ABCB9: variants seen among roughly 807,000 people sequenced by gnomAD.
ABCB9 encodes the protein ABC-type oligopeptide transporter ABCB9.
ABCB9 carries 36 observed loss-of-function variants against 62.0 expected under a neutral mutation model. That is an observed-to-expected ratio of 0.58 (90% CI 0.45 to 0.77). The LOEUF (loss-of-function observed/expected upper bound fraction) is 0.77, where lower values mean the gene tolerates loss of function less well. Ranked by LOEUF, ABCB9 falls within the 30% of genes least tolerant of loss-of-function variation. ABCB9 has a pLI of 0.00. For missense variants in ABCB9, 943 were observed against 1,054.7 expected (o/e 0.89, Z 1.47); for synonymous variants, 435 against 461.4 (o/e 0.94, Z 0.73).
upstream of ABCB9, among the ~76,000 whole-genome samples, chr12:122,970,945 T>C (rs1456815754): frequency 1.3e-5 from 2 of 152,156 alleles, no homozygotes; most frequent in Admixed American, 6.5e-5. Flanking sequence ...TCCTACCATA[T>C]GACATTCTGG....
upstream of ABCB9, among the ~76,000 whole-genome samples, chr12:122,968,061 C>T (rs950240462): frequency 2.0e-5 from 3 of 150,418 alleles, no homozygotes; most frequent in Admixed American, 2.0e-4. Context: ...CAACAGAATA[C>T]TCTGTAGCCA....
chr12:122,921,029 G>T (rs1229424706), exon 12 of ABCB9: 2 of 1,535,218 alleles, frequency 1.3e-6, no homozygotes, highest in Non-Finnish European at 1.7e-6. Flanking sequence ...ATATCTGCAG[G>T]CTGGTCATTC....
At chr12:122,926,868 C>T (rs1340884317), downstream of ABCB9, among the ~76,000 whole-genome samples, 2 of 152,216 alleles carry the variant, frequency 1.3e-5, no homozygotes, top group Non-Finnish European at 2.9e-5. Flanking sequence ...CCTCTGCACT[C>T]CAGTCTGGGC....
At chr12:122,934,968 C>T (rs1301216954) in intron 10 of ABCB9, among the ~76,000 whole-genome samples, 3 of 152,144 alleles carry the variant, frequency 2.0e-5, no homozygotes, top group African/African-American at 7.2e-5. Flanking sequence ...CCTCCTCCCC[C>T]TTCTTCTACT....
In ABCB9 at chr12:122,944,552, G is replaced by A; in HGVS notation, c.1252-33C>T. 1 of 1,610,124 alleles carries A rather than the reference G, an allele frequency of 6.2e-7. No individual in the cohort carries two copies. Among genetic ancestry groups the A allele is most frequent in the Non-Finnish European group, 8.5e-7 (1 of 1,177,968 alleles). ...AGAGGGAGAGGGGATGTGGGTCGAG[G>A]GGACCTTAGATCCCCCACCATCCCC... On this transcript the variant is annotated intron_variant, in intron 6 of 11. Transcript: ENST00000280560. The surrounding 1 kb of genome is among the most constrained non-coding windows in gnomAD (Gnocchi z 4.9).
downstream of ABCB9, among the ~76,000 whole-genome samples, chr12:122,918,774 G>A (rs2034682301): frequency 6.6e-6 from 1 of 151,988 alleles, no homozygotes; most frequent in Non-Finnish European, 1.5e-5. Context: ...CCATTTTAAA[G>A]TGTACAAATG....
rs116326721 is a variant in ABCB9 at position 122,948,722 on chromosome 12, C to G, written c.955G>C (p.Val319Leu). The change falls in exon 5 of 12, where the codon GTC (valine) becomes CTC (leucine). Residue 319 changes from valine to leucine, a missense_variant. Physicochemically the swap from Val to Leu is conservative, Grantham distance 32. Transcript: ENST00000280560. Reference sequence around the variant, plus strand: ...TGCCATGAGAGGCTGAACATGAAGACCACCACGCCCGTGACCTTGACTGTG... The same window carrying G: ...TGCCATGAGAGGCTGAACATGAAGAGCACCACGCCCGTGACCTTGACTGTG... ...RNTVKVTGVV[V>L]FMFSLSWQLS... 5.0e-6 allele frequency: 8 copies of G among 1,614,038 alleles called. No homozygotes were observed. The African/African-American group carries it at 6.7e-5, about 13-fold the overall frequency.
rs567514306 is a variant in ABCB9 at position 122,949,704 on chromosome 12, C to A, written c.847+84G>T. On this transcript the variant is annotated intron_variant, in intron 4 of 11. Transcript: ENST00000280560. ...AGACAGAGGGCTGAGACCACCCACACGCCCATTTCATTCCTCAGTGCCAGG... is the reference window on the plus strand; with the variant it reads ...AGACAGAGGGCTGAGACCACCCACAAGCCCATTTCATTCCTCAGTGCCAGG... The A allele has an allele frequency of 4.5e-6, 7 of 1,547,320 alleles. No individual in the cohort carries two copies. In the East Asian group the frequency reaches 9.1e-5, roughly 20 times the overall value.
chr12:122,945,882 A>AG, intron 6 of ABCB9, 143 bp downstream of exon 6: 1 of 751,464 alleles, frequency 1.3e-6, no homozygotes, highest in Non-Finnish European at 2.0e-6. Context: ...TGTCTCAAAA[A>AG]AAAAAAAAAA....
At chr12:122,938,042 T>C (rs941624967) in intron 9 of ABCB9, among the ~76,000 whole-genome samples, 3 of 152,194 alleles carry the variant, frequency 2.0e-5, no homozygotes, top group African/African-American at 7.2e-5. Flanking sequence ...AAAATGTAAA[T>C]TGGTATAACC....
At chr12:122,923,604 T>C (rs2034812342) in intron 11 of ABCB9, among the ~76,000 whole-genome samples, 1 of 152,104 alleles carries the variant, frequency 6.6e-6, no homozygotes, top group Non-Finnish European at 1.5e-5. Context: ...GATACTTACA[T>C]TGGCTAATTT....
chr12:122,931,088 A>T (rs1399352456), intron 11 of ABCB9, among the ~76,000 whole-genome samples: 1 of 152,042 alleles, frequency 6.6e-6, no homozygotes, highest in Non-Finnish European at 1.5e-5. Flanking sequence ...GCAGTGGTGC[A>T]ATCTCGGCTC....
At position 122,941,134 on chromosome 12, in the gene ABCB9, G is replaced by A. The variant is rs1284095164; in HGVS notation, c.1381-139C>T. Reference sequence around the variant, plus strand: ...GCAGGAGGCCACCTGACCACCCACTGGTGCATTAGATAACGACAGTAAGGG... The same window carrying A: ...GCAGGAGGCCACCTGACCACCCACTAGTGCATTAGATAACGACAGTAAGGG... On this transcript the variant is annotated intron_variant, in intron 7 of 11. Transcript: ENST00000280560. The A allele has an allele frequency of 2.7e-5, 23 of 843,420 alleles. 1 individual carries two copies. The highest frequency in any genetic ancestry group is 3.0e-5 in the Non-Finnish European group (17 of 558,378). 52.2% of individuals were successfully genotyped at this position (843,420 alleles called of 1,614,324 possible).
chr12:122,948,612 G>C lies in ABCB9; in HGVS notation c.1053+12C>G, dbSNP rs752818824. ...GGGTGCACAGTCCCCAGCAGAGACA[G>C]GGCAGGCCTACCTTGTAGTACTTGC... On this transcript the variant is annotated intron_variant, in intron 5 of 11. Coordinates refer to ENST00000280560, the MANE Select transcript of ABCB9 (RefSeq NM_019625.4). The C allele has an allele frequency of 6.2e-7, 1 of 1,603,756 alleles. No individual in the cohort carries two copies. Among genetic ancestry groups the C allele is most frequent in the Non-Finnish European group, 8.5e-7 (1 of 1,174,532 alleles).
intron 1 of ABCB9, 136 bp from the exon 2 acceptor site, chr12:122,960,458 G>T: frequency 1.6e-6 from 1 of 623,130 alleles, no homozygotes; most frequent in Non-Finnish European, 2.7e-6. Flanking sequence ...AACTTCCCGG[G>T]TACTAAGATT....
At chr12:122,933,984 C>T (rs1256400702) in intron 10 of ABCB9, among the ~76,000 whole-genome samples, 1 of 152,166 alleles carries the variant, frequency 6.6e-6, no homozygotes, top group African/African-American at 2.4e-5. Context: ...TGGCTCACAC[C>T]TGAAATCCCA....
At chr12:122,952,000 A>G (rs1438868490) in intron 2 of ABCB9, 1 of 152,220 alleles carries the variant, frequency 6.6e-6, no homozygotes, top group Non-Finnish European at 1.5e-5. Context: ...AGGGCTTGTA[A>G]GCCTGGTTTG....
At chr12:122,969,350 G>A (rs1455352555), upstream of ABCB9, among the ~76,000 whole-genome samples, 3 of 152,220 alleles carry the variant, frequency 2.0e-5, no homozygotes, top group African/African-American at 4.8e-5. Flanking sequence ...AAAGTTGATT[G>A]TAGTGATGGT....
At chr12:122,949,087 C>G (rs534986089) in intron 4 of ABCB9, 11 of 329,276 alleles carry the variant, frequency 3.3e-5, no homozygotes, top group Non-Finnish European at 5.5e-5. Flanking sequence ...GGAAGGCCCC[C>G]GTAGAGTCAC....
Sources: gnomAD v4.1 joint callset for allele counts (sites outside exome capture counted in the v4.1 genomes callset) on GRCh38, gnomAD v4.1.1 for gene constraint, Gnocchi (gnomAD v3.1) non-coding constraint, MANE v1.5 for transcripts, NCBI Gene and HGNC (gene_info 2026-07-23, HGNC 2026-07-21) for gene names.